The following VAT1L variants were observed in gnomAD, a reference collection of about 807,000 sequenced individuals.
The protein encoded by VAT1L is putative NADPH-dependent quinone oxidoreductase VAT1L.
Under a neutral mutation model 44.1 loss-of-function variants are expected in VAT1L, and 34 were observed. The observed-to-expected ratio is 0.77, with a 90% CI of 0.59 to 1.03. VAT1L has a LOEUF of 1.03. Among genes scored for constraint, VAT1L ranks in the 50% least tolerant of loss-of-function variants. The probability of loss-of-function intolerance (pLI) is 0.00; values close to 1 mark genes in which losing one functional copy is unlikely to be tolerated. For synonymous variants in VAT1L, 253 were observed against 202.2 expected (o/e 1.25, Z -2.13); for missense variants, 615 against 538.8 (o/e 1.14, Z -1.40).
intron 3 of VAT1L, among the ~76,000 whole-genome samples, chr16:77,826,503 G>A (rs867988627): frequency 3.9e-5 from 6 of 152,200 alleles, no homozygotes; most frequent in Non-Finnish European, 8.8e-5. Context: ...TCATGAAAGT[G>A]GTTGCACATG....
intron 2 of VAT1L, among the ~76,000 whole-genome samples, chr16:77,824,649 G>A (rs1198338872): frequency 2.0e-5 from 3 of 150,846 alleles, no homozygotes; most frequent in African/African-American, 7.3e-5. Context: ...CCAGCTACTC[G>A]GGAGGCTGAG....
intron 7 of VAT1L, among the ~76,000 whole-genome samples, chr16:77,946,780 C>G (rs1380355587): frequency 6.6e-6 from 1 of 152,154 alleles, no homozygotes. Context: ...TTAGATTCAC[C>G]CTTCCTTGTG....
Position 77,788,668 on chromosome 16 carries a change from G to A in VAT1L, c.-15G>A. 3.2e-6 allele frequency: 5 copies of A among 1,547,482 alleles called. No individual in the cohort carries two copies. The highest frequency in any genetic ancestry group is 4.4e-6 in the Non-Finnish European group (5 of 1,145,822). On this transcript the variant is annotated 5_prime_UTR_variant, in exon 1 of 9. Coordinates refer to ENST00000302536, the MANE Select transcript of VAT1L (RefSeq NM_020927.3). The stretch of plus-strand genomic sequence containing the variant: ...GCAGCCACCGCAGCCCGTGCGCCCC[G>A]CGCCCTCGAGCGCCATGGCCAAGGA...
At chr16:77,791,689 T>C (rs1361747485) in intron 1 of VAT1L, among the ~76,000 whole-genome samples, 1 of 152,212 alleles carries the variant, frequency 6.6e-6, no homozygotes, top group Non-Finnish European at 1.5e-5. Context: ...TTTCTTTCCT[T>C]TCTCCACCGA....
chr16:77,810,953 T>C (rs116980468), intron 1 of VAT1L, among the ~76,000 whole-genome samples: 1,608 of 152,260 alleles, frequency 0.011, 9 homozygotes, highest in Non-Finnish European at 0.018. Context: ...AATAAAACAA[T>C]GGGTTTCTGA....
chr16:77,870,373 G>T (rs1303686774), intron 4 of VAT1L, among the ~76,000 whole-genome samples: 1 of 152,238 alleles, frequency 6.6e-6, no homozygotes, highest in African/African-American at 2.4e-5. Context: ...AGAGAAAACA[G>T]AGTGGAGAGC....
chr16:77,954,239 G>C (rs1230460009), intron 7 of VAT1L, among the ~76,000 whole-genome samples: 1 of 152,228 alleles, frequency 6.6e-6, no homozygotes, highest in Non-Finnish European at 1.5e-5. Flanking sequence ...TTGCCCTGGA[G>C]TGAAAAGGGT....
chr16:77,905,479 G>A (rs1026409617), intron 7 of VAT1L, among the ~76,000 whole-genome samples: 4 of 151,990 alleles, frequency 2.6e-5, no homozygotes, highest in Non-Finnish European at 5.9e-5. Flanking sequence ...GAGTAGCCTC[G>A]CCACCCCTGC....
chr16:77,929,944 C>T (rs753665782), intron 7 of VAT1L, among the ~76,000 whole-genome samples: 4 of 152,112 alleles, frequency 2.6e-5, no homozygotes, highest in Admixed American at 2.0e-4. Flanking sequence ...GGCAACACAG[C>T]GAGTTCTCCA....
intron 7 of VAT1L, among the ~76,000 whole-genome samples, chr16:77,922,128 A>G (rs1333396582): frequency 3.9e-5 from 6 of 152,120 alleles, no homozygotes; most frequent in Non-Finnish European, 8.8e-5. Flanking sequence ...AAGCATGTGG[A>G]ATATTTTATT....
intron 3 of VAT1L, among the ~76,000 whole-genome samples, chr16:77,859,109 T>C (rs1334348570): frequency 6.7e-6 from 1 of 148,928 alleles, no homozygotes; most frequent in African/African-American, 2.5e-5. Flanking sequence ...CATTTCAGCC[T>C]GGGCAACAAG....
At chr16:77,951,830 A>C (rs922548464) in intron 7 of VAT1L, among the ~76,000 whole-genome samples, 17 of 67,638 alleles carry the variant, frequency 2.5e-4, no homozygotes, top group African/African-American at 6.6e-4. Flanking sequence ...AACTTTTAAA[A>C]GTTTAAAATT....
intron 7 of VAT1L, among the ~76,000 whole-genome samples, chr16:77,909,636 C>CA (rs35074692): frequency 2.6e-4 from 23 of 87,294 alleles, no homozygotes; most frequent in African/African-American, 4.4e-4. Flanking sequence ...GACTCTGTCT[C>CA]AAAAAAAAAA....
intron 3 of VAT1L, among the ~76,000 whole-genome samples, chr16:77,842,193 G>C (rs2016714449): frequency 6.6e-6 from 1 of 152,134 alleles, no homozygotes; most frequent in African/African-American, 2.4e-5. Flanking sequence ...AGTCTACCAA[G>C]GGCTTTCAAA....
Position 77,788,785 on chromosome 16 carries a change from C to G in VAT1L, c.103C>G (p.Arg35Gly). The G allele has an allele frequency of 6.4e-7, 1 of 1,565,766 alleles. No individual in the cohort carries two copies. The stretch of plus-strand genomic sequence containing the variant: ...GGGCGGCGGCGGCGACGGCTCGCAC[C>G]GCCTCGGGGACGCCCAGGAGATGCG... Reference protein sequence around the residue: ...AEGGGGDGSHRLGDAQEMRAV... With the variant: ...AEGGGGDGSHGLGDAQEMRAV... The change falls in exon 1 of 9, where the codon CGC (arginine) becomes GGC (glycine). Residue 35 changes from arginine to glycine, a missense_variant. Transcript: ENST00000302536.
chr16:77,951,765 C>CAAA (rs1162409759), intron 7 of VAT1L, among the ~76,000 whole-genome samples: 3 of 150,754 alleles, frequency 2.0e-5, no homozygotes, highest in Non-Finnish European at 4.4e-5. Flanking sequence ...GGGTGGCTGA[C>CAAA]AAAGTTCTAC....
At chr16:77,897,810 G>T (rs151235893) in intron 7 of VAT1L, among the ~76,000 whole-genome samples, 23 of 152,272 alleles carry the variant, frequency 1.5e-4, no homozygotes, top group African/African-American at 5.3e-4. Context: ...CTTCCTAGTG[G>T]TTTGTCCTGT....
chr16:77,820,587 A>C (rs1567477124), intron 2 of VAT1L, among the ~76,000 whole-genome samples: 1 of 152,192 alleles, frequency 6.6e-6, no homozygotes, highest in Non-Finnish European at 1.5e-5. Context: ...TTGTCTTAGC[A>C]ACACCAAGAA....
intron 3 of VAT1L, among the ~76,000 whole-genome samples, chr16:77,845,702 A>G (rs904930572): frequency 6.6e-6 from 1 of 152,132 alleles, no homozygotes; most frequent in Admixed American, 6.6e-5. Context: ...GTAATTCTGC[A>G]CTGTCCAACC....
Sources: gnomAD v4.1 joint callset for allele counts (sites outside exome capture counted in the v4.1 genomes callset) on GRCh38, gnomAD v4.1.1 for gene constraint, MANE v1.5 for transcripts, NCBI Gene and HGNC (gene_info 2026-07-23, HGNC 2026-07-21) for gene names.